The following FNIP2 variants were observed in gnomAD, a reference collection of about 807,000 sequenced individuals.
FNIP2 encodes the protein folliculin interacting protein 2.
In FNIP2, 32 loss-of-function variants were observed where a neutral mutation model predicts 108.7. The ratio of observed to expected loss-of-function variants is 0.29; its 90% CI spans 0.22 to 0.40. The LOEUF is 0.40. FNIP2 is among the 10% of genes least tolerant of loss of function. The probability of loss-of-function intolerance (pLI) is 1.00; values close to 1 mark genes in which losing one functional copy is unlikely to be tolerated. For missense variants in FNIP2, 1,202 were observed against 1,381.6 expected (o/e 0.87, Z 2.06); for synonymous variants, 480 against 496.7 (o/e 0.97, Z 0.45).
intron 8 of FNIP2, 30 bp from the exon 9 acceptor site, chr4:158,859,027 G>A (rs781512182): frequency 3.7e-6 from 6 of 1,605,310 alleles, no homozygotes; most frequent in Non-Finnish European, 5.1e-6. Context: ...CTGATGCATG[G>A]CAACTTTTCA....
chr4:158,804,769 G>T (rs1578840254), intron 1 of FNIP2, among the ~76,000 whole-genome samples: 2 of 152,270 alleles, frequency 1.3e-5, no homozygotes, highest in East Asian at 3.9e-4. Context: ...TGACTTTAAA[G>T]GCAGTTTATG....
intron 16 of FNIP2, among the ~76,000 whole-genome samples, chr4:158,896,699 T>A (rs1442725256): frequency 1.3e-5 from 2 of 152,120 alleles, no homozygotes; most frequent in African/African-American, 4.8e-5. Context: ...AGATTATTCT[T>A]ACATACTTTA....
Position 158,868,738 on chromosome 4 carries a change from G to C in FNIP2, c.2102G>C (p.Trp701Ser). The C allele has an allele frequency of 6.2e-7, 1 of 1,613,942 alleles. No individual in the cohort carries two copies. Among genetic ancestry groups the C allele is most frequent in the Non-Finnish European group, 8.5e-7 (1 of 1,179,902 alleles). ...AGACTGCCAGACCGGTCAGTGGCCT[G>C]GCCTTGCCCTGACAGACATCTCCGG... The part of the protein sequence containing the change: ...PTRLPDRSVA[W>S]PCPDRHLREK... The change falls in exon 13 of 17, where the codon TGG becomes TCG. Residue 701 changes from tryptophan (W) to serine (S), a missense_variant. Coordinates refer to ENST00000264433, the MANE Select transcript of FNIP2 (RefSeq NM_020840.3). The surrounding 1 kb of genome is among the most constrained non-coding windows in gnomAD (Gnocchi z 4.6).
Position 158,904,668 on chromosome 4 carries a change from T to C in FNIP2, c.*124T>C. ...AGCAAACAGAAACAGTCATTCCACC[T>C]TTTTGTTTTGTGTTTTTGCTGTCAA... On this transcript the variant is annotated 3_prime_UTR_variant, in exon 17 of 17. Transcript: ENST00000264433. 1.2e-6 allele frequency: 1 copy of C among 847,212 alleles called. No individual in the cohort carries two copies. Among genetic ancestry groups the C allele is most frequent in the South Asian group, 1.6e-5 (1 of 61,930 alleles). The allele number at this position is 847,212 out of a possible 1,614,324, so 52.5% of individuals were successfully genotyped here. A position where few individuals can be genotyped will look rare whatever the true frequency, so the allele number is the denominator to read the frequency against.
chr4:158,815,507 C>G (rs1381679763), intron 1 of FNIP2, among the ~76,000 whole-genome samples: 2 of 151,984 alleles, frequency 1.3e-5, no homozygotes, highest in Non-Finnish European at 2.9e-5. Flanking sequence ...CTCAGCCTCC[C>G]GAGTAGCTGG....
chr4:158,849,694 C>G (rs1258396035), intron 7 of FNIP2, among the ~76,000 whole-genome samples: 1 of 151,966 alleles, frequency 6.6e-6, no homozygotes, highest in Admixed American at 6.6e-5. Flanking sequence ...GAAAAATTAC[C>G]TGTTCACTGA....
At position 158,829,699 on chromosome 4, in the gene FNIP2, CTGTGTGTGTGGGGTG is replaced by C. The variant is rs1400999310; in HGVS notation, c.381+485_381+499del. Among the ~76,000 whole-genome samples, 15 of 149,146 alleles carry C rather than the reference CTGTGTGTGTGGGGTG, an allele frequency of 1.0e-4. 1 individual carries two copies. In the South Asian group the frequency reaches 3.0e-3, roughly 30 times the overall value. On this transcript the variant is annotated intron_variant, in intron 3 of 16. Coordinates refer to ENST00000264433, the MANE Select transcript of FNIP2 (RefSeq NM_020840.3). ...TAAAAGGCTGATGGCATTTTTTACA[CTGTGTGTGTGGGGTG>C]TGTGTGTGTGTGTGTGTGTGTGTAT...
At chr4:158,795,856 G>T (rs2126463244) in intron 1 of FNIP2, 1 of 152,340 alleles carries the variant, frequency 6.6e-6, no homozygotes, top group South Asian at 2.1e-4. Flanking sequence ...AGAATCTAAC[G>T]CCTGATGACC....
intron 14 of FNIP2, 117 bp downstream of exon 14, chr4:158,870,586 G>T: frequency 1.5e-6 from 2 of 1,339,414 alleles, no homozygotes; most frequent in Non-Finnish European, 2.0e-6. Flanking sequence ...ATGGAGATGT[G>T]GGCAGGGTTA....
At chr4:158,890,181 A>G (rs1782210373) in intron 14 of FNIP2, 1 of 985,082 alleles carries the variant, frequency 1.0e-6, no homozygotes, top group South Asian at 4.7e-5. Flanking sequence ...CAGACAAATA[A>G]ATGTTGAACA....
Position 158,825,872 on chromosome 4 carries a change from G to A in FNIP2, c.108-44G>A, listed in dbSNP as rs549803671. The A allele has an allele frequency of 1.4e-5, 22 of 1,586,360 alleles. No homozygotes were observed. In the South Asian group the frequency reaches 2.3e-4, roughly 17 times the overall value. ...GCTTATCTGTCTGTGATCATCTCAT[G>A]TGCTGCAGATAACATAACTTCTTTT... On this transcript the variant is annotated intron_variant, in intron 1 of 16. Transcript: ENST00000264433.
intron 1 of FNIP2, among the ~76,000 whole-genome samples, chr4:158,785,949 G>A (rs1776212078): frequency 6.6e-6 from 1 of 152,092 alleles, no homozygotes; most frequent in Non-Finnish European, 1.5e-5. Context: ...TTATTTCTGT[G>A]GAACAAAACT....
At chr4:158,881,414 CTCTCCCTCTCTTTCCACGG>C (rs1285741446) in intron 14 of FNIP2, among the ~76,000 whole-genome samples, 1 of 23,740 alleles carries the variant, frequency 4.2e-5, no homozygotes, top group African/African-American at 1.3e-4. Flanking sequence ...CACGGTCTCC[CTCTCCCTCTCTTTCCACGG>C]TCTCCCTCTC....
rs1305559768 is a variant in FNIP2, at chr4:158,868,304, C to T, written c.1668C>T (p.Ala556=). 1.9e-6 allele frequency: 3 copies of T among 1,614,024 alleles called. No homozygotes were observed. The highest frequency in any genetic ancestry group is 2.2e-5 in the East Asian group (1 of 44,884). Residue 556 remains alanine, a synonymous_variant, in exon 13 of 17, where the codon GCC becomes GCT. Transcript: ENST00000264433. This position sits in a 1 kb window ranked among gnomAD's most constrained non-coding sequence, Gnocchi z 4.6. ...QVLNGSKIIT[A]LEKGEVEESE... is the part of the protein sequence containing the mutation. The stretch of plus-strand genomic sequence containing the variant: ...TAAATGGGAGCAAGATCATAACAGC[C>T]TTGGAGAAAGGAGAGGTGGAGGAGT...
At chr4:158,834,361 G>T (rs1778677054) in intron 6 of FNIP2, 1 of 115,858 alleles carries the variant, frequency 8.6e-6, no homozygotes, top group Admixed American at 1.1e-4. Context: ...ACAATTTCTA[G>T]GTTATTTACA....
chr4:158,807,694 A>G (rs1429581987), intron 1 of FNIP2, among the ~76,000 whole-genome samples: 2 of 152,210 alleles, frequency 1.3e-5, no homozygotes, highest in African/African-American at 2.4e-5. Flanking sequence ...AAACAGGGCA[A>G]CAGAGTGACA....
chr4:158,884,546 T>C (rs185508015), intron 14 of FNIP2, among the ~76,000 whole-genome samples: 45 of 152,160 alleles, frequency 3.0e-4, no homozygotes, highest in Admixed American at 5.2e-4. Flanking sequence ...CCTTGAGGGA[T>C]TGTGGACTTG....
At chr4:158,828,476 C>T (rs546412992) in intron 2 of FNIP2, among the ~76,000 whole-genome samples, 68 of 152,114 alleles carry the variant, frequency 4.5e-4, no homozygotes, top group Middle Eastern at 3.4e-3. Flanking sequence ...ATTAGCTGGG[C>T]GTGATGGTGG....
chr4:158,833,829 G>C, intron 6 of FNIP2: 2 of 1,508,262 alleles, frequency 1.3e-6, no homozygotes, highest in Non-Finnish European at 1.8e-6. Flanking sequence ...GCAGCAAACT[G>C]CTGCAGGGGG....
Sources: gnomAD v4.1 joint callset for allele counts (sites outside exome capture counted in the v4.1 genomes callset) on GRCh38, gnomAD v4.1.1 for gene constraint, Gnocchi (gnomAD v3.1) non-coding constraint, MANE v1.5 for transcripts, NCBI Gene and HGNC (gene_info 2026-07-23, HGNC 2026-07-21) for gene names.